FANK1: variants seen among roughly 807,000 people sequenced by gnomAD.
FANK1 encodes fibronectin type III and ankyrin repeat domains 1, also known as fibronectin type 3 and ankyrin repeat domains protein 1.
A neutral mutation model predicts 45.3 loss-of-function variants in FANK1; 44 were observed. The observed-to-expected ratio is 0.97, with a 90% CI of 0.76 to 1.25. The LOEUF (loss-of-function observed/expected upper bound fraction) is 1.25. FANK1 is among the 50% of genes most tolerant of loss of function. The pLI is 0.00. For synonymous variants in FANK1, 149 were observed against 152.5 expected, an observed-to-expected ratio of 0.98 and a Z score of 0.17; for missense variants, 391 against 424.4, an observed-to-expected ratio of 0.92 and a Z score of 0.69.
At chr10:125,918,496 A>C (rs1375756793) in intron 1 of FANK1, among the ~76,000 whole-genome samples, 6 of 138,218 alleles carry the variant, frequency 4.3e-5, no homozygotes, top group East Asian at 2.4e-4. Flanking sequence ...CGGAGTTTGC[A>C]GTGAGCTGAG....
At chr10:125,944,243 T>C (rs2134157166) in intron 1 of FANK1, among the ~76,000 whole-genome samples, 1 of 152,370 alleles carries the variant, frequency 6.6e-6, no homozygotes, top group Admixed American at 6.5e-5. Flanking sequence ...TATTTACTTA[T>C]TTGAGTTCCC....
chr10:125,927,989 C>T (rs539448606), intron 1 of FANK1, among the ~76,000 whole-genome samples: 1 of 152,278 alleles, frequency 6.6e-6, no homozygotes, highest in African/African-American at 2.4e-5. Context: ...TCAGTTTACA[C>T]TCTGCCAGCT....
At chr10:125,910,528 A>G (rs902714944) in intron 1 of FANK1, among the ~76,000 whole-genome samples, 3 of 152,240 alleles carry the variant, frequency 2.0e-5, no homozygotes, top group Non-Finnish European at 2.9e-5. Context: ...GAAGCAAATT[A>G]TGTATACTGC....
At chr10:125,910,970 T>G (rs79587242) in intron 1 of FANK1, among the ~76,000 whole-genome samples, 3 of 149,290 alleles carry the variant, frequency 2.0e-5, no homozygotes, top group Middle Eastern at 3.5e-3. Flanking sequence ...GGAGGCAGAG[T>G]TTGTAGTGAA....
chr10:126,006,659 AGACCAACCT>A (rs1423279939), intron 7 of FANK1, among the ~76,000 whole-genome samples: 7 of 152,348 alleles, frequency 4.6e-5, no homozygotes, highest in Non-Finnish European at 1.0e-4. Flanking sequence ...CAGGAGTTTG[AGACCAACCT>A]GGCCAACATG....
chr10:125,967,449 T>G (rs1424104591), intron 1 of FANK1, among the ~76,000 whole-genome samples: 1 of 152,172 alleles, frequency 6.6e-6, no homozygotes, highest in Non-Finnish European at 1.5e-5. Context: ...TTGTGAAAAC[T>G]TAGCTATTAA....
At chr10:126,004,816 G>A in intron 6 of FANK1, 68 bp from the exon 7 acceptor site, 1 of 1,547,294 alleles carries the variant, frequency 6.5e-7, no homozygotes, top group Non-Finnish European at 8.9e-7. Flanking sequence ...AGCCAGGTAG[G>A]GTAAAAGGTG....
chr10:125,984,151 T>A (rs1255398178), intron 2 of FANK1, among the ~76,000 whole-genome samples: 1 of 152,114 alleles, frequency 6.6e-6, no homozygotes, highest in Admixed American at 6.6e-5. Flanking sequence ...TCTCAGTGGC[T>A]TATGGCAGCA....
At chr10:125,910,686 GCTGA>G (rs1202868717) in intron 1 of FANK1, among the ~76,000 whole-genome samples, 15 of 152,200 alleles carry the variant, frequency 9.9e-5, no homozygotes, top group Non-Finnish European at 2.1e-4. Context: ...TCAGTCCACT[GCTGA>G]TGGACATCCA....
At chr10:125,951,167 G>A (rs1342785544) in intron 1 of FANK1, among the ~76,000 whole-genome samples, 22 of 149,630 alleles carry the variant, frequency 1.5e-4, no homozygotes, top group African/African-American at 3.4e-4. Flanking sequence ...TGGGTGCAGC[G>A]CACCAGCATG....
chr10:125,996,656 G>T, intron 5 of FANK1, 32 bp downstream of exon 5: 1 of 1,597,330 alleles, frequency 6.3e-7, no homozygotes, highest in Non-Finnish European at 8.6e-7. Context: ...AATCTCTCTT[G>T]GGGATTTAAC....
intron 1 of FANK1, among the ~76,000 whole-genome samples, chr10:125,971,885 G>A (rs1348747106): frequency 1.3e-5 from 2 of 152,130 alleles, no homozygotes; most frequent in Non-Finnish European, 2.9e-5. Context: ...GCCTCCGAAA[G>A]TAAAGTGCTG....
intron 1 of FANK1, chr10:125,972,938 C>T (rs1190905818): frequency 7.4e-6 from 1 of 135,764 alleles, no homozygotes; most frequent in South Asian, 2.3e-4. Context: ...ACACACGAAC[C>T]AACTTTCCAA....
chr10:125,958,853 A>G (rs1456689642), intron 1 of FANK1, among the ~76,000 whole-genome samples: 2 of 152,234 alleles, frequency 1.3e-5, no homozygotes, highest in African/African-American at 2.4e-5. Flanking sequence ...AACAAATGGA[A>G]AGACATCCCA....
chr10:126,005,826 G>C (rs1200724650), intron 7 of FANK1, among the ~76,000 whole-genome samples: 1 of 152,190 alleles, frequency 6.6e-6, no homozygotes, highest in Non-Finnish European at 1.5e-5. Flanking sequence ...AATTTCCAAA[G>C]AGGAAACTGA....
intron 1 of FANK1, among the ~76,000 whole-genome samples, chr10:125,962,483 C>G (rs1450477261): frequency 6.6e-6 from 1 of 152,118 alleles, no homozygotes; most frequent in Non-Finnish European, 1.5e-5. Context: ...TCCTTTAGGT[C>G]ACTGGTGCTC....
intron 1 of FANK1, among the ~76,000 whole-genome samples, chr10:125,956,923 A>G (rs992609160): frequency 1.3e-5 from 2 of 152,182 alleles, no homozygotes; most frequent in African/African-American, 4.8e-5. Flanking sequence ...ATCTCAGCTC[A>G]CTGCAACCTC....
chr10:125,905,101 A>G (rs1320582473), intron 1 of FANK1, among the ~76,000 whole-genome samples: 1 of 140,680 alleles, frequency 7.1e-6, no homozygotes, highest in Non-Finnish European at 1.5e-5. Context: ...ACTGCACTCC[A>G]GCCCAGGTGA....
chr10:125,939,693 A>G (rs1207133941), intron 1 of FANK1, among the ~76,000 whole-genome samples: 1 of 152,158 alleles, frequency 6.6e-6, no homozygotes, highest in Non-Finnish European at 1.5e-5. Context: ...ACCTGTTAAT[A>G]TAACTCATGG....
Sources: gnomAD v4.1 joint callset for allele counts (sites outside exome capture counted in the v4.1 genomes callset) on GRCh38, gnomAD v4.1.1 for gene constraint, MANE v1.5 for transcripts, NCBI Gene and HGNC (gene_info 2026-07-23, HGNC 2026-07-21) for gene names.